SLC25A48: variants seen among roughly 807,000 people sequenced by gnomAD.
The protein encoded by SLC25A48 is CTC-321K16.1.
SLC25A48 carries 29 observed loss-of-function variants against 32.2 expected under a neutral mutation model. The ratio of observed to expected loss-of-function variants is 0.90; its 90% confidence interval spans 0.67 to 1.23. SLC25A48 has a LOEUF of 1.23. SLC25A48 is among the 50% of genes most tolerant of loss of function. The probability of loss-of-function intolerance (pLI) is 0.00; values close to 1 mark genes in which losing one functional copy is unlikely to be tolerated. For synonymous variants in SLC25A48, 164 were observed against 172.3 expected, an observed-to-expected ratio of 0.95 and a Z score of 0.38; for missense variants, 399 against 422.7, an observed-to-expected ratio of 0.94 and a Z score of 0.49.
intron 3 of SLC25A48, among the ~76,000 whole-genome samples, chr5:135,749,055 C>A (rs1755708469): frequency 6.6e-6 from 1 of 152,110 alleles, no homozygotes; most frequent in African/African-American, 2.4e-5. Flanking sequence ...TTTGTTCTTC[C>A]TTCCTGATGT....
rs79184904 is a variant in SLC25A48 at position 135,769,657 on chromosome 5, C to T, written c.-520-42866C>T. ...AGTTGGGTAGAGGATGATATTACTC[C>T]GAATATCGCAGGGGTTGTACACCCC... On this transcript the variant is annotated intron_variant, in intron 3 of 10. Transcript: ENST00000646290. Among the ~76,000 whole-genome samples the T allele has an allele frequency of 4.9e-4, 75 of 151,526 alleles. 2 individuals are homozygous for T. The East Asian group carries it at 0.014, about 28-fold the overall frequency.
At position 135,879,979 on chromosome 5, in the gene SLC25A48, A is replaced by G; in HGVS notation, c.825A>G (p.Arg275=). 1 of 1,536,380 alleles carries G rather than the reference A, an allele frequency of 6.5e-7. No homozygotes were observed. Among genetic ancestry groups the G allele is most frequent in the Non-Finnish European group, 8.7e-7 (1 of 1,146,964 alleles). The part of the protein sequence containing the change: ...YQKEGLKVFF[R]GITVNAVRGF... ...GCCCCTGTGCAAAGGTGTTTTTCAG[A>G]GGCATCACTGTGAACGCGGTGCGGG... The change falls in exon 7 of 8, where the codon AGA becomes AGG. Residue 275 remains arginine, a synonymous_variant. Transcript: ENST00000681962.
intron 4 of SLC25A48, among the ~76,000 whole-genome samples, chr5:135,863,570 C>T (rs997971704): frequency 1.3e-5 from 2 of 152,172 alleles, no homozygotes; most frequent in African/African-American, 2.4e-5. Flanking sequence ...TTAAAATTAT[C>T]GAGCTCATAC....
chr5:135,884,254 A>C (rs1284476117), intron 7 of SLC25A48, among the ~76,000 whole-genome samples: 1 of 152,218 alleles, frequency 6.6e-6, no homozygotes, highest in African/African-American at 2.4e-5. Flanking sequence ...TAGACCGAAG[A>C]CCAAAGCAAT....
At chr5:135,639,357 C>T (rs916802) in intron 3 of SLC25A48, among the ~76,000 whole-genome samples, 70,450 of 152,084 alleles carry the variant, frequency 0.46, 16,616 homozygotes, top group South Asian at 0.51. Flanking sequence ...ACACCCATCA[C>T]CAGCTTTTTT....
At position 135,834,818 on chromosome 5, in the gene SLC25A48, G is replaced by T. The variant is rs762688972; in HGVS notation, c.-30G>T. ...CTGACTCTAAGTGGGCACTGCCCCG[G>T]CTCCGGGAGGGCGAGACCGAGCGCC... On this transcript the variant is annotated 5_prime_UTR_variant, in exon 1 of 8. Transcript: ENST00000681962. 1.1e-5 allele frequency: 17 copies of T among 1,574,366 alleles called. No individual in the cohort carries two copies. The African/African-American group carries it at 2.2e-4, about 20-fold the overall frequency.
At chr5:135,813,190 C>G (rs1757632306) in intron 4 of SLC25A48, 1 of 152,478 alleles carries the variant, frequency 6.6e-6, no homozygotes, top group South Asian at 2.1e-4. Context: ...CACTCACCCT[C>G]TGCCATCTCC....
intron 3 of SLC25A48, among the ~76,000 whole-genome samples, chr5:135,796,985 C>T (rs1329841434): frequency 1.3e-5 from 2 of 151,586 alleles, no homozygotes; most frequent in South Asian, 2.1e-4. Flanking sequence ...TGGTTTTCAC[C>T]CCCCCATGAT....
rs150565621 is a variant in SLC25A48, at chr5:135,871,934, G to A, written c.679+216G>A. ...GCTATGAGAATGGCAGTTCCCATTT[G>A]ACTTTCAGGCAACAGATATATTTTG... On this transcript the variant is annotated intron_variant, in intron 5 of 7. Transcript: ENST00000681962. The A allele has an allele frequency of 4.9e-4, 720 of 1,458,240 alleles. 3 individuals carry two copies. The African/African-American group carries it at 8.6e-3, about 17-fold the overall frequency. 90.3% of individuals were successfully genotyped at this position (1,458,240 alleles called of 1,614,324 possible).
intron 3 of SLC25A48, among the ~76,000 whole-genome samples, chr5:135,799,952 A>C (rs1243289888): frequency 6.6e-6 from 1 of 151,756 alleles, no homozygotes. Flanking sequence ...TAACATCTAG[A>C]TAAGAAGAGA....
intron 1 of SLC25A48, among the ~76,000 whole-genome samples, chr5:135,605,213 G>A (rs1351995193): frequency 6.6e-6 from 1 of 152,212 alleles, no homozygotes; most frequent in African/African-American, 2.4e-5. Flanking sequence ...CAAGGAGCAA[G>A]AATTACTTTA....
intron 3 of SLC25A48, among the ~76,000 whole-genome samples, chr5:135,684,115 A>G (rs1361311023): frequency 1.3e-5 from 2 of 152,206 alleles, no homozygotes; most frequent in African/African-American, 4.8e-5. Context: ...ACATATGTTC[A>G]TGATATAAAT....
intron 3 of SLC25A48, among the ~76,000 whole-genome samples, chr5:135,806,640 T>C (rs1426832543): frequency 6.7e-6 from 1 of 150,360 alleles, no homozygotes; most frequent in African/African-American, 2.4e-5. Flanking sequence ...GTAGATATTT[T>C]ATAAATAACT....
chr5:135,653,669 A>G (rs80072208), intron 3 of SLC25A48, among the ~76,000 whole-genome samples: 3,572 of 152,292 alleles, frequency 0.023, 147 homozygotes, highest in African/African-American at 0.081. Flanking sequence ...AAAGAGTCAG[A>G]GGGAGGGAGA....
At chr5:135,617,270 G>A (rs1561759636) in intron 1 of SLC25A48, among the ~76,000 whole-genome samples, 1 of 151,944 alleles carries the variant, frequency 6.6e-6, no homozygotes, top group Non-Finnish European at 1.5e-5. Context: ...ATTCTCTGAT[G>A]ATCTTTTGTA....
At chr5:135,719,352 G>A (rs970330168) in intron 3 of SLC25A48, among the ~76,000 whole-genome samples, 2 of 152,196 alleles carry the variant, frequency 1.3e-5, no homozygotes, top group Non-Finnish European at 2.9e-5. Flanking sequence ...GAGGCAGTAG[G>A]TGTGTATGGG....
intron 3 of SLC25A48, among the ~76,000 whole-genome samples, chr5:135,768,611 A>T (rs1008029931): frequency 2.0e-5 from 3 of 151,582 alleles, no homozygotes; most frequent in African/African-American, 7.3e-5. Context: ...GATACTCCCA[A>T]TGTCGCAGGG....
intron 4 of SLC25A48, 115 bp from the exon 5 acceptor site, chr5:135,871,346 C>T (rs1761626466): frequency 7.8e-7 from 1 of 1,288,990 alleles, no homozygotes; most frequent in South Asian, 1.6e-5. Context: ...TTGGTAAAAG[C>T]TGATGGGCTA....
rs1177023911 is a variant in SLC25A48, at chr5:135,629,040, C to G, written c.-848-197C>G. On this transcript the variant is annotated intron_variant, in intron 1 of 10. Transcript: ENST00000646290. This position sits in a 1 kb window ranked among gnomAD's most constrained non-coding sequence, Gnocchi z 4.8. ...CCAGAATTAGGCTACAGTCCCTTTT[C>G]ATAAATTCCCCAGCAGTTAGAACAG... Among the ~76,000 whole-genome samples the G allele has an allele frequency of 6.6e-6, 1 of 152,140 alleles. No individual in the cohort carries two copies. Among genetic ancestry groups the G allele is most frequent in the Non-Finnish European group, 1.5e-5 (1 of 68,022 alleles).
Sources: gnomAD v4.1 joint callset for allele counts (sites outside exome capture counted in the v4.1 genomes callset) on GRCh38, gnomAD v4.1.1 for gene constraint, Gnocchi (gnomAD v3.1) non-coding constraint, MANE v1.5 for transcripts, NCBI Gene and HGNC (gene_info 2026-07-23, HGNC 2026-07-21) for gene names.